Variants in FOXN1 observed in about 807,000 individuals in gnomAD.
FOXN1 encodes forkhead box protein N1.
Under a neutral mutation model 49.0 loss-of-function variants are expected in FOXN1, and 15 were observed. That is an observed-to-expected ratio of 0.31 (90% CI 0.20 to 0.47). The LOEUF is 0.47. Among genes scored for constraint, FOXN1 ranks in the 20% least tolerant of loss-of-function variants. The probability of loss-of-function intolerance (pLI) is 1.00; values close to 1 mark genes in which losing one functional copy is unlikely to be tolerated. For synonymous variants in FOXN1, 356 were observed against 369.0 expected (o/e 0.96, Z 0.40); for missense variants, 800 against 842.8 (o/e 0.95, Z 0.63).
At chr17:28,528,789 G>T (rs1597557574) in intron 4 of FOXN1, among the ~76,000 whole-genome samples, 2 of 152,152 alleles carry the variant, frequency 1.3e-5, no homozygotes, top group East Asian at 3.9e-4. Context: ...AGGGTGCAGG[G>T]GCCGAGGGCT....
intron 1 of FOXN1, among the ~76,000 whole-genome samples, chr17:28,508,809 G>T (rs1555606533): frequency 6.6e-6 from 1 of 152,140 alleles, no homozygotes. Flanking sequence ...GGGGACCGAG[G>T]TCCTGCAGGT....
chr17:28,513,335 C>T (rs2069430863), intron 1 of FOXN1, among the ~76,000 whole-genome samples: 1 of 152,160 alleles, frequency 6.6e-6, no homozygotes, highest in Non-Finnish European at 1.5e-5. Context: ...ATCCATCTAT[C>T]CCACTAAATA....
At chr17:28,528,695 G>A (rs1361217413) in intron 4 of FOXN1, among the ~76,000 whole-genome samples, 2 of 152,194 alleles carry the variant, frequency 1.3e-5, no homozygotes, top group East Asian at 3.9e-4. Flanking sequence ...AGGTGGCAGT[G>A]CCCAGCAAAC....
chr17:28,529,801 T>C (rs958891288), intron 5 of FOXN1, among the ~76,000 whole-genome samples: 1 of 152,116 alleles, frequency 6.6e-6, no homozygotes, highest in African/African-American at 2.4e-5. Context: ...GATCGGGTCA[T>C]CAGCTAGTGT....
intron 8 of FOXN1, 133 bp from the exon 9 acceptor site, chr17:28,536,984 C>G: frequency 2.6e-6 from 2 of 754,818 alleles, no homozygotes; most frequent in Non-Finnish European, 4.8e-6. Flanking sequence ...CAAGCTAGTG[C>G]CAGGCTCTGT....
intron 1 of FOXN1, among the ~76,000 whole-genome samples, chr17:28,517,035 C>G (rs2069523892): frequency 2.0e-5 from 1 of 49,160 alleles, no homozygotes; most frequent in Non-Finnish European, 6.2e-5. Context: ...GTACACGCCT[C>G]CACAGAGTAC....
intron 1 of FOXN1, among the ~76,000 whole-genome samples, chr17:28,510,655 A>G (rs1360229080): frequency 1.3e-5 from 2 of 151,770 alleles, no homozygotes; most frequent in Admixed American, 1.3e-4. Flanking sequence ...CTCTGCACTT[A>G]GCACCCCTCC....
chr17:28,534,578 C>T lies in FOXN1; in HGVS notation c.1135+40C>T, dbSNP rs1456066861. The T allele has an allele frequency of 6.3e-7, 1 of 1,589,700 alleles. No homozygotes were observed. The highest frequency in any genetic ancestry group is 8.5e-7 in the Non-Finnish European group (1 of 1,170,704). Reference sequence around the variant, plus strand: ...GCCACGCAAGGAAGGGCCCAGGGTACTCATGAGCCAAAAAAAAAAAAAAGA... The same window carrying T: ...GCCACGCAAGGAAGGGCCCAGGGTATTCATGAGCCAAAAAAAAAAAAAAGA... On this transcript the variant is annotated intron_variant, in intron 7 of 8. Coordinates refer to ENST00000579795, the MANE Select transcript of FOXN1 (RefSeq NM_001369369.1). The surrounding 1 kb of genome is among the most constrained non-coding windows in gnomAD (Gnocchi z 4.1).
intron 1 of FOXN1, among the ~76,000 whole-genome samples, chr17:28,520,424 C>A (rs1424321049): frequency 6.6e-6 from 1 of 152,194 alleles, no homozygotes; most frequent in Non-Finnish European, 1.5e-5. Flanking sequence ...TAGCTGCAAC[C>A]AAGGGGGCAT....
intron 5 of FOXN1, among the ~76,000 whole-genome samples, chr17:28,529,510 G>C (rs2069855957): frequency 6.6e-6 from 1 of 152,160 alleles, no homozygotes; most frequent in African/African-American, 2.4e-5. Context: ...CTAGGGCCCA[G>C]GGCCTGGATC....
Position 28,524,561 on chromosome 17 carries a change from C to T in FOXN1, c.182C>T (p.Pro61Leu). 3 of 1,613,682 alleles carry T rather than the reference C, an allele frequency of 1.9e-6. No homozygotes were observed. The highest frequency in any genetic ancestry group is 2.5e-6 in the Non-Finnish European group (3 of 1,180,012). Reference protein sequence around the residue: ...FVSDGPPERTPSLPPHSPRIA... With the variant: ...FVSDGPPERTLSLPPHSPRIA... ...TCCGACGGCCCTCCAGAGAGGACAC[C>T]CTCACTGCCCCCACACAGCCCCCGC... The change falls in exon 3 of 9, where the codon CCC becomes CTC. Residue 61 changes from proline to leucine, a missense_variant. Coordinates refer to ENST00000579795, the MANE Select transcript of FOXN1 (RefSeq NM_001369369.1).
At chr17:28,510,170 G>A (rs1245073775) in intron 1 of FOXN1, among the ~76,000 whole-genome samples, 6 of 152,100 alleles carry the variant, frequency 3.9e-5, no homozygotes, top group African/African-American at 1.4e-4. Flanking sequence ...CATGCTCACA[G>A]GAGGATGCAC....
At chr17:28,527,443 A>G in intron 4 of FOXN1, 82 bp downstream of exon 4, 1 of 808,350 alleles carries the variant, frequency 1.2e-6, no homozygotes. Context: ...TGTCTATGTG[A>G]TGGCATGTGT....
At chr17:28,515,052 T>A (rs1427668001) in intron 1 of FOXN1, among the ~76,000 whole-genome samples, 1 of 152,118 alleles carries the variant, frequency 6.6e-6, no homozygotes, top group East Asian at 1.9e-4. Flanking sequence ...TCTCTGAGTC[T>A]CAGTTTCCTC....
intron 1 of FOXN1, among the ~76,000 whole-genome samples, chr17:28,512,243 C>T (rs975936784): frequency 1.3e-5 from 2 of 152,228 alleles, no homozygotes; most frequent in African/African-American, 4.8e-5. Flanking sequence ...TTCTTTGGCC[C>T]TTATCACAGC....
rs1399255377 is a variant in FOXN1, at chr17:28,538,427, T to C, written c.*991T>C. 1.3e-5 allele frequency: 2 copies of C among 152,248 alleles called. No individual in the cohort carries two copies. Among genetic ancestry groups the C allele is most frequent in the African/African-American group, 4.8e-5 (2 of 41,456 alleles). The allele number at this position is 152,248 out of a possible 1,614,324, so 9.4% of individuals were successfully genotyped here. Reference sequence around the variant, plus strand: ...ATTCAGTATGTTCCTCGACTTAGGATGCGGTTATGTCCGATAAACCCATTG... The same window carrying C: ...ATTCAGTATGTTCCTCGACTTAGGACGCGGTTATGTCCGATAAACCCATTG... On this transcript the variant is annotated 3_prime_UTR_variant, in exon 9 of 9. Transcript: ENST00000579795.
intron 1 of FOXN1, among the ~76,000 whole-genome samples, chr17:28,515,359 C>T (rs1008089253): frequency 6.6e-6 from 1 of 151,084 alleles, no homozygotes; most frequent in Admixed American, 6.6e-5. Flanking sequence ...ACAGAGTACA[C>T]CCCTTCATAG....
chr17:28,523,931 C>A, intron 1 of FOXN1, 25 bp from the exon 2 acceptor site: 1 of 1,613,174 alleles, frequency 6.2e-7, no homozygotes, highest in Non-Finnish European at 8.5e-7. Flanking sequence ...GGTCCTCACT[C>A]TCATGGCAGA....
At chr17:28,510,460 G>T (rs1227117192) in intron 1 of FOXN1, among the ~76,000 whole-genome samples, 3 of 151,372 alleles carry the variant, frequency 2.0e-5, no homozygotes, top group Non-Finnish European at 4.4e-5. Flanking sequence ...CCTGGAGACA[G>T]TTGGAGGTCC....
Sources: allele counts gnomAD v4.1 joint callset (sites outside exome capture counted in the v4.1 genomes callset), GRCh38; gene constraint gnomAD v4.1.1; non-coding constraint Gnocchi (gnomAD v3.1); transcripts MANE v1.5; gene names NCBI Gene and HGNC (gene_info 2026-07-23, HGNC 2026-07-21).